KPNA1: variants seen among roughly 807,000 people sequenced by gnomAD.
The protein encoded by KPNA1 is importin subunit alpha-5.
KPNA1 carries 10 observed loss-of-function variants against 70.5 expected under a neutral mutation model. The ratio of observed to expected loss-of-function variants is 0.14; its 90% CI spans 0.09 to 0.24. KPNA1 has a LOEUF of 0.24. KPNA1 is among the 10% of genes least tolerant of loss of function. KPNA1 has a pLI of 1.00. For missense variants in KPNA1, 397 were observed against 637.9 expected (o/e 0.62, Z 4.07); for synonymous variants, 192 against 221.9 (o/e 0.87, Z 1.20).
At chr3:122,488,556 G>A (rs1278975661) in intron 2 of KPNA1, among the ~76,000 whole-genome samples, 1 of 152,206 alleles carries the variant, frequency 6.6e-6, no homozygotes, top group Non-Finnish European at 1.5e-5. Context: ...ATTCTGTAGA[G>A]ATACATATTG....
At chr3:122,459,667 C>G (rs964006030) in intron 5 of KPNA1, 2 of 985,290 alleles carry the variant, frequency 2.0e-6, no homozygotes, top group Non-Finnish European at 2.4e-6. Context: ...ACCAGAATTA[C>G]AATCCAGGAG....
At chr3:122,473,823 C>T (rs1372010128) in intron 2 of KPNA1, among the ~76,000 whole-genome samples, 1 of 152,130 alleles carries the variant, frequency 6.6e-6, no homozygotes, top group East Asian at 1.9e-4. Flanking sequence ...TCTCACTACT[C>T]CTTTTCAACA....
At chr3:122,478,327 T>A (rs1001013636) in intron 2 of KPNA1, among the ~76,000 whole-genome samples, 3 of 151,402 alleles carry the variant, frequency 2.0e-5, no homozygotes, top group African/African-American at 7.3e-5. Flanking sequence ...GACCTAAATG[T>A]AATAAAAAAC....
At chr3:122,502,288 T>A (rs926128712) in intron 1 of KPNA1, among the ~76,000 whole-genome samples, 1 of 152,218 alleles carries the variant, frequency 6.6e-6, no homozygotes, top group African/African-American at 2.4e-5. Flanking sequence ...AACTCTTATG[T>A]TGACACCCTA....
intron 1 of KPNA1, among the ~76,000 whole-genome samples, chr3:122,514,088 C>A (rs1343291016): frequency 1.3e-5 from 2 of 152,332 alleles, no homozygotes; most frequent in African/African-American, 2.4e-5. Flanking sequence ...TACCTCGCTG[C>A]TTCCCTCGCA....
At chr3:122,493,928 C>G (rs1449814746) in intron 2 of KPNA1, among the ~76,000 whole-genome samples, 1 of 152,028 alleles carries the variant, frequency 6.6e-6, no homozygotes, top group African/African-American at 2.4e-5. Flanking sequence ...TTAGTGATGT[C>G]GACCCTTTTT....
rs998225055 is a variant in KPNA1 at position 122,424,116 on chromosome 3, C to T, written c.*2869G>A. On this transcript the variant is annotated 3_prime_UTR_variant, in exon 14 of 14. Coordinates refer to ENST00000344337, the MANE Select transcript of KPNA1 (RefSeq NM_002264.4). ...TTCTCTTAATGCTTTTTTTCCCCCA[C>T]CAAAGTTCTCATTACAAATAATATA... 23 of 152,068 alleles carry T rather than the reference C, an allele frequency of 1.5e-4. No homozygotes were observed. The highest frequency in any genetic ancestry group is 4.8e-4 in the African/African-American group (20 of 41,410). 9.4% of individuals were successfully genotyped at this position (152,068 alleles called of 1,614,324 possible). A position where few individuals can be genotyped will look rare whatever the true frequency, so the allele number is the denominator to read the frequency against.
At chr3:122,429,793 T>C (rs1056152291) in intron 12 of KPNA1, among the ~76,000 whole-genome samples, 1 of 152,214 alleles carries the variant, frequency 6.6e-6, no homozygotes, top group Non-Finnish European at 1.5e-5. Context: ...ATCAACTTAC[T>C]ATAATCTAAT....
intron 2 of KPNA1, among the ~76,000 whole-genome samples, chr3:122,495,726 C>CAAAA (rs397876048): frequency 9.3e-4 from 63 of 67,882 alleles, no homozygotes; most frequent in East Asian, 2.0e-3. Context: ...CTCTCCTTAG[C>CAAAA]AAAAAAAAAA....
At chr3:122,504,198 A>G (rs2076862302) in intron 1 of KPNA1, among the ~76,000 whole-genome samples, 1 of 152,236 alleles carries the variant, frequency 6.6e-6, no homozygotes, top group African/African-American at 2.4e-5. Flanking sequence ...CTTATAAACA[A>G]TAGAAATTTA....
intron 11 of KPNA1, among the ~76,000 whole-genome samples, chr3:122,436,549 C>G (rs1319868237): frequency 1.3e-5 from 2 of 152,186 alleles, no homozygotes; most frequent in African/African-American, 2.4e-5. Context: ...CCGGCCGACA[C>G]TTAGGGAAAA....
At chr3:122,452,607 A>AAGGAAGGAAGGAAGGAAGGG (rs1560028606) in intron 6 of KPNA1, among the ~76,000 whole-genome samples, 1 of 66,582 alleles carries the variant, frequency 1.5e-5, no homozygotes, top group Non-Finnish European at 2.8e-5. Context: ...GGAAGGAAGG[A>AAGGAAGGAAGGAAGGAAGGG]AGGGAGGGAG....
intron 9 of KPNA1, among the ~76,000 whole-genome samples, chr3:122,446,524 T>C (rs1256759774): frequency 6.6e-6 from 1 of 152,170 alleles, no homozygotes; most frequent in East Asian, 1.9e-4. Context: ...TTTAAAGCAG[T>C]GTGTAGAGGG....
chr3:122,453,697 C>T (rs968039184), intron 6 of KPNA1, among the ~76,000 whole-genome samples, 173 bp downstream of exon 6: 10 of 151,954 alleles, frequency 6.6e-5, no homozygotes, highest in East Asian at 3.9e-4. Flanking sequence ...CCACCATGCC[C>T]GGCTAATTTT....
chr3:122,490,167 C>T (rs2076681556), intron 2 of KPNA1, among the ~76,000 whole-genome samples: 1 of 152,254 alleles, frequency 6.6e-6, no homozygotes, highest in Admixed American at 6.5e-5. Flanking sequence ...GATTTTCAGG[C>T]TTCACTCAAT....
intron 9 of KPNA1, among the ~76,000 whole-genome samples, chr3:122,446,619 A>C (rs1187137259): frequency 6.6e-6 from 1 of 152,212 alleles, no homozygotes; most frequent in Non-Finnish European, 1.5e-5. Flanking sequence ...GAACTAGAGA[A>C]GCAAGAGCAA....
At chr3:122,499,062 G>A (rs915015530) in intron 1 of KPNA1, among the ~76,000 whole-genome samples, 1 of 152,172 alleles carries the variant, frequency 6.6e-6, no homozygotes, top group Non-Finnish European at 1.5e-5. Context: ...TTTGTATACT[G>A]ATCTTGTATT....
chr3:122,504,030 T>C (rs1366776213), intron 1 of KPNA1, among the ~76,000 whole-genome samples: 1 of 152,218 alleles, frequency 6.6e-6, no homozygotes, highest in African/African-American at 2.4e-5. Context: ...AGTTAATGCA[T>C]GCTATTACAC....
intron 3 of KPNA1, 52 bp downstream of exon 3, chr3:122,467,270 C>G: frequency 1.0e-6 from 1 of 996,778 alleles, no homozygotes; most frequent in African/African-American, 1.6e-5. Flanking sequence ...AAAAGGAAAT[C>G]TACATCTCAT....
Sources: allele counts gnomAD v4.1 joint callset (sites outside exome capture counted in the v4.1 genomes callset), GRCh38; gene constraint gnomAD v4.1.1; transcripts MANE v1.5; gene names NCBI Gene and HGNC (gene_info 2026-07-23, HGNC 2026-07-21).